EPM2A: variants seen among roughly 807,000 people sequenced by gnomAD.
EPM2A encodes laforin.
In EPM2A, 21 loss-of-function variants were observed where a neutral mutation model predicts 26.5. The observed-to-expected ratio is 0.79, with a 90% CI of 0.56 to 1.14. The LOEUF (loss-of-function observed/expected upper bound fraction) is 1.14, where lower values mean the gene tolerates loss of function less well. Among genes scored for constraint, EPM2A ranks in the 50% most tolerant of loss-of-function variants. EPM2A has a pLI of 0.00. For synonymous variants in EPM2A, 217 were observed against 177.6 expected (o/e 1.22, Z -1.76); for missense variants, 458 against 440.8 (o/e 1.04, Z -0.35).
At chr6:145,659,324 C>A (rs181326608) in intron 2 of EPM2A, among the ~76,000 whole-genome samples, 74 of 152,180 alleles carry the variant, frequency 4.9e-4, no homozygotes, top group Admixed American at 9.2e-4. Context: ...AAACTTTATT[C>A]TTTAATAATG....
At chr6:145,501,703 A>G in exon 4 of EPM2A, 1 of 456,128 alleles carries the variant, frequency 2.2e-6, no homozygotes, top group Non-Finnish European at 4.6e-6. Flanking sequence ...TAACACAACT[A>G]TTCAATGCTT....
chr6:145,417,597 A>G (rs1246851648), intron 4 of EPM2A, among the ~76,000 whole-genome samples: 1 of 152,196 alleles, frequency 6.6e-6, no homozygotes, highest in African/African-American at 2.4e-5. Context: ...GACTCTAGGT[A>G]TAACTCAAGG....
intron 4 of EPM2A, among the ~76,000 whole-genome samples, chr6:145,398,298 C>G (rs1290772421): frequency 6.6e-6 from 1 of 152,058 alleles, no homozygotes; most frequent in African/African-American, 2.4e-5. Context: ...AAAGACAATC[C>G]CAAAAGCTTG....
In EPM2A at chr6:145,627,188, C is replaced by T. The variant is rs1458194125; in HGVS notation, c.*228G>A. On this transcript the variant is annotated 3_prime_UTR_variant, in exon 4 of 4. Transcript: ENST00000367519. ...TTCTGTCTGATGTACAGCCTAACTG[C>T]TTCGTGCTTCTTCTCATGTGTTGAG... 2 of 1,424,108 alleles carry T rather than the reference C, an allele frequency of 1.4e-6. No homozygotes were observed. Among genetic ancestry groups the T allele is most frequent in the African/African-American group, 1.4e-5 (1 of 69,550 alleles). The allele number at this position is 1,424,108 out of a possible 1,614,324, so 88.2% of individuals were successfully genotyped here.
At chr6:145,594,868 A>C (rs1428493030) in intron 2 of EPM2A, among the ~76,000 whole-genome samples, 1 of 151,890 alleles carries the variant, frequency 6.6e-6, no homozygotes, top group East Asian at 1.9e-4. Flanking sequence ...GGTTTTTTTA[A>C]TGGTTTACAT....
chr6:145,544,290 G>A (rs904849469), intron 2 of EPM2A, among the ~76,000 whole-genome samples: 1 of 152,170 alleles, frequency 6.6e-6, no homozygotes, highest in Non-Finnish European at 1.5e-5. Flanking sequence ...GAAAGAGTGA[G>A]TCAGACTCCA....
At chr6:145,529,869 C>T (rs385134) in intron 2 of EPM2A, among the ~76,000 whole-genome samples, 67,881 of 151,972 alleles carry the variant, frequency 0.45, 15,205 homozygotes, top group South Asian at 0.58. Flanking sequence ...AACAAAGCAG[C>T]AAGTGTATAT....
rs549045250 is a variant in EPM2A, at chr6:145,391,509, CAT to C, written c.556-7414_556-7413del. Among the ~76,000 whole-genome samples, 19 of 152,314 alleles carry C rather than the reference CAT, an allele frequency of 1.2e-4. No individual in the cohort carries two copies. In the East Asian group the frequency reaches 3.5e-3, roughly 28 times the overall value. On this transcript the variant is annotated intron_variant, in intron 4 of 4. Coordinates refer to the EPM2A transcript ENST00000638717. ...TGTAATGTACATGCTAGCTTAGACA[CAT>C]GTGCCTGCCCCCCCTTTGTAAATAA...
At chr6:145,690,521 G>GAAAAAA (rs145052340) in intron 1 of EPM2A, among the ~76,000 whole-genome samples, 6 of 87,022 alleles carry the variant, frequency 6.9e-5, no homozygotes, top group African/African-American at 1.7e-4. Context: ...CGTCTCAAAA[G>GAAAAAA]AAAAAAAAAA....
At chr6:145,597,139 C>G (rs190378470) in intron 2 of EPM2A, among the ~76,000 whole-genome samples, 1,731 of 151,772 alleles carry the variant, frequency 0.011, 18 homozygotes, top group Admixed American at 0.02. Context: ...CATGATCCAC[C>G]CGCCTCGGCC....
At chr6:145,515,334 C>T (rs1780111271) in intron 2 of EPM2A, among the ~76,000 whole-genome samples, 1 of 152,110 alleles carries the variant, frequency 6.6e-6, no homozygotes, top group African/African-American at 2.4e-5. Context: ...TCTGTGTAAA[C>T]CAAAATTTCT....
intron 4 of EPM2A, among the ~76,000 whole-genome samples, chr6:145,492,393 G>T (rs765259043): frequency 1.3e-5 from 2 of 152,034 alleles, no homozygotes; most frequent in African/African-American, 2.4e-5. Context: ...AGGCCCCTGA[G>T]GGCATGTGTT....
chr6:145,518,036 A>G (rs911815900), intron 2 of EPM2A, among the ~76,000 whole-genome samples: 4 of 152,210 alleles, frequency 2.6e-5, no homozygotes, highest in African/African-American at 9.6e-5. Flanking sequence ...CCATGTAGCC[A>G]TAAAGCCTAT....
chr6:145,627,299 TG>T lies in EPM2A; in HGVS notation c.*116del, dbSNP rs1562411930. The T allele has an allele frequency of 6.3e-7, 1 of 1,585,796 alleles. No homozygotes were observed. The highest frequency in any genetic ancestry group is 8.5e-7 in the Non-Finnish European group (1 of 1,173,072). On this transcript the variant is annotated 3_prime_UTR_variant, in exon 4 of 4. Transcript: ENST00000367519. Reference sequence around the variant, plus strand: ...TCATCCCAGGTGAAAGTGGTTGGCTTGGGGGAGGTCACACAGTCCTTTCAGT... The same window carrying T: ...TCATCCCAGGTGAAAGTGGTTGGCTTGGGGAGGTCACACAGTCCTTTCAGT...
intron 2 of EPM2A, among the ~76,000 whole-genome samples, chr6:145,580,449 TTTA>T (rs1375212354): frequency 6.6e-6 from 1 of 152,118 alleles, no homozygotes; most frequent in African/African-American, 2.4e-5. Flanking sequence ...AGAATGGCAT[TTTA>T]TTTTTACTAT....
intron 1 of EPM2A, among the ~76,000 whole-genome samples, chr6:145,719,111 C>G (rs891378939): frequency 6.6e-6 from 1 of 152,170 alleles, no homozygotes; most frequent in Admixed American, 6.5e-5. Context: ...ACCCAGCCAT[C>G]CCATTACTGG....
intron 4 of EPM2A, among the ~76,000 whole-genome samples, chr6:145,434,291 C>T (rs1465175704): frequency 1.3e-5 from 2 of 148,626 alleles, no homozygotes; most frequent in Non-Finnish European, 3.0e-5. Flanking sequence ...GACAGGGTCT[C>T]CTTCTGTCAC....
chr6:145,551,833 A>G (rs1042236374), intron 2 of EPM2A, among the ~76,000 whole-genome samples: 3 of 151,872 alleles, frequency 2.0e-5, no homozygotes, highest in East Asian at 3.9e-4. Context: ...AATAAAGGAC[A>G]TGAAACATTA....
chr6:145,450,234 T>C (rs1779178299), intron 4 of EPM2A, among the ~76,000 whole-genome samples: 1 of 151,400 alleles, frequency 6.6e-6, no homozygotes, highest in African/African-American at 2.4e-5. Context: ...GTGCCTGTAG[T>C]TTCAGCTACT....
Sources: gnomAD v4.1 joint callset for allele counts (sites outside exome capture counted in the v4.1 genomes callset) on GRCh38, gnomAD v4.1.1 for gene constraint, MANE v1.5 for transcripts, NCBI Gene and HGNC (gene_info 2026-07-23, HGNC 2026-07-21) for gene names.